CHN2: variants seen among roughly 807,000 people sequenced by gnomAD.
CHN2 encodes the protein beta-chimaerin.
In CHN2, 35 loss-of-function variants were observed where a neutral mutation model predicts 56.3. The observed-to-expected ratio is 0.62, with a 90% confidence interval of 0.47 to 0.82. The LOEUF (loss-of-function observed/expected upper bound fraction) is 0.82. Ranked by LOEUF, CHN2 falls within the 40% of genes least tolerant of loss-of-function variation. The pLI is 0.00. For missense variants in CHN2, 491 were observed against 580.5 expected (o/e 0.85, Z 1.58); for synonymous variants, 210 against 212.8 (o/e 0.99, Z 0.12).
intron 1 of CHN2, among the ~76,000 whole-genome samples, chr7:29,303,607 C>T (rs1477710214): frequency 4.6e-5 from 7 of 152,200 alleles, no homozygotes; most frequent in African/African-American, 1.7e-4. Context: ...TCCACCACCT[C>T]CATCCATTCA....
At chr7:29,170,102 A>T (rs991025164) in intron 2 of CHN2, among the ~76,000 whole-genome samples, 7 of 151,972 alleles carry the variant, frequency 4.6e-5, no homozygotes, top group African/African-American at 1.7e-4. Flanking sequence ...CCAGACTTCT[A>T]GCAGAAGCCC....
rs139112666 is a variant in CHN2, at chr7:29,206,664, T to C, written c.49+11674T>C. Among the ~76,000 whole-genome samples, 450 of 152,262 alleles carry C rather than the reference T, an allele frequency of 3.0e-3. 1 individual carries two copies. Among genetic ancestry groups the C allele is most frequent in the East Asian group, 5.0e-3 (26 of 5,178 alleles). ...CACATGAATTTATCTGAATCAGGAC[T>C]TTTTACCTTGATTTGTGGTTCACAA... On this transcript the variant is annotated intron_variant, in intron 1 of 12. Coordinates refer to ENST00000222792, the MANE Select transcript of CHN2 (RefSeq NM_004067.4).
intron 7 of CHN2, among the ~76,000 whole-genome samples, chr7:29,492,581 A>G (rs1788781298): frequency 6.6e-6 from 1 of 152,152 alleles, no homozygotes; most frequent in Admixed American, 6.5e-5. Flanking sequence ...CAAGTTCATC[A>G]ACAAGTCAAC....
intron 6 of CHN2, among the ~76,000 whole-genome samples, chr7:29,435,759 C>T (rs1783169970): frequency 6.6e-6 from 1 of 152,144 alleles, no homozygotes; most frequent in African/African-American, 2.4e-5. Context: ...AGGTTAAGAA[C>T]CACCAGTCTA....
At chr7:29,250,166 G>A (rs1350844245) in intron 1 of CHN2, among the ~76,000 whole-genome samples, 1 of 152,204 alleles carries the variant, frequency 6.6e-6, no homozygotes, top group Admixed American at 6.5e-5. Flanking sequence ...CACTCCCTGG[G>A]ATGAAAGAAA....
chr7:29,512,377 T>G (rs759642100), intron 12 of CHN2, among the ~76,000 whole-genome samples, 187 bp from the exon 13 acceptor site: 55 of 152,194 alleles, frequency 3.6e-4, no homozygotes, highest in Non-Finnish European at 4.6e-4. Context: ...GAAGGCAATG[T>G]CAACAATTTA....
intron 7 of CHN2, among the ~76,000 whole-genome samples, chr7:29,481,086 G>A (rs1278640321): frequency 6.6e-6 from 1 of 152,172 alleles, no homozygotes; most frequent in Non-Finnish European, 1.5e-5. Context: ...TTGCCCAAGT[G>A]TTTTCCAAGA....
At chr7:29,171,475 A>T (rs1796594530) in intron 2 of CHN2, among the ~76,000 whole-genome samples, 2 of 152,166 alleles carry the variant, frequency 1.3e-5, no homozygotes, top group African/African-American at 4.8e-5. Flanking sequence ...TAGGGTGGGG[A>T]TCCCAGACGG....
At chr7:29,459,819 G>A (rs1206216400) in intron 6 of CHN2, among the ~76,000 whole-genome samples, 1 of 152,182 alleles carries the variant, frequency 6.6e-6, no homozygotes, top group Non-Finnish European at 1.5e-5. Context: ...ACAAGTGGTA[G>A]AAGAAGCCCG....
chr7:29,480,227 T>C (rs746551219), intron 6 of CHN2, 52 bp from the exon 7 acceptor site: 2 of 1,613,894 alleles, frequency 1.2e-6, no homozygotes, highest in East Asian at 4.5e-5. Flanking sequence ...TGAAGGTGGG[T>C]GTCAAAGGCG....
At chr7:29,270,486 C>G (rs1790530459) in intron 1 of CHN2, among the ~76,000 whole-genome samples, 1 of 118,858 alleles carries the variant, frequency 8.4e-6, no homozygotes, top group Non-Finnish European at 1.6e-5. Flanking sequence ...GAAACCCCAT[C>G]TCTACTAAAA....
intron 6 of CHN2, among the ~76,000 whole-genome samples, chr7:29,462,932 T>C (rs1484896725): frequency 1.3e-4 from 14 of 104,900 alleles, no homozygotes; most frequent in African/African-American, 5.4e-4. Flanking sequence ...CACCCCACAT[T>C]AGTTGAAGTA....
At chr7:29,178,622 TTGTC>T (rs749691129) in intron 2 of CHN2, among the ~76,000 whole-genome samples, 12 of 152,218 alleles carry the variant, frequency 7.9e-5, no homozygotes, top group Non-Finnish European at 1.8e-4. Context: ...AAGCAGTTCA[TTGTC>T]TGTGCCTCTT....
chr7:29,502,465 T>C (rs1790072567), intron 9 of CHN2, among the ~76,000 whole-genome samples: 1 of 152,172 alleles, frequency 6.6e-6, no homozygotes, highest in African/African-American at 2.4e-5. Flanking sequence ...CAGAGTTTAA[T>C]GGCCACTGCA....
intron 2 of CHN2, among the ~76,000 whole-genome samples, chr7:29,183,930 A>G (rs1325889703): frequency 6.6e-6 from 1 of 152,224 alleles, no homozygotes; most frequent in African/African-American, 2.4e-5. Context: ...ACAATGGGGC[A>G]TAACAACGAG....
chr7:29,494,131 T>G (rs1788967219), intron 7 of CHN2, among the ~76,000 whole-genome samples: 1 of 152,180 alleles, frequency 6.6e-6, no homozygotes, highest in South Asian at 2.1e-4. Flanking sequence ...TCCCTTTCTC[T>G]TTCCCTGTGG....
chr7:29,354,771 T>A, intron 2 of CHN2, 108 bp downstream of exon 2: 1 of 935,326 alleles, frequency 1.1e-6, no homozygotes, highest in Non-Finnish European at 1.7e-6. Context: ...CTCACAGCAC[T>A]GAAAACCCAA....
intron 1 of CHN2, among the ~76,000 whole-genome samples, chr7:29,207,521 C>G (rs1226214023): frequency 6.6e-6 from 1 of 152,158 alleles, no homozygotes; most frequent in East Asian, 1.9e-4. Context: ...TCTGCTAATG[C>G]TGGACAAAGC....
At chr7:29,358,026 G>A (rs1039468217) in intron 2 of CHN2, among the ~76,000 whole-genome samples, 4 of 151,962 alleles carry the variant, frequency 2.6e-5, no homozygotes, top group African/African-American at 4.8e-5. Context: ...AGCAATTTTC[G>A]GTACTATCAA....
Sources: allele counts gnomAD v4.1 joint callset (sites outside exome capture counted in the v4.1 genomes callset), GRCh38; gene constraint gnomAD v4.1.1; transcripts MANE v1.5; gene names NCBI Gene and HGNC (gene_info 2026-07-23, HGNC 2026-07-21).